LDLRAD4: variants seen among roughly 807,000 people sequenced by gnomAD.
LDLRAD4 encodes the protein low-density lipoprotein receptor class A domain-containing protein 4.
Under a neutral mutation model 17.0 loss-of-function variants are expected in LDLRAD4, and 5 were observed. That is an observed-to-expected ratio of 0.29 (90% confidence interval 0.15 to 0.62). LDLRAD4 has a LOEUF of 0.62. Ranked by LOEUF, LDLRAD4 falls within the 20% of genes least tolerant of loss-of-function variation. The pLI is 0.84. For synonymous variants in LDLRAD4, 168 were observed against 171.8 expected (o/e 0.98, Z 0.17); for missense variants, 340 against 424.7 (o/e 0.80, Z 1.75).
intron 1 of LDLRAD4, among the ~76,000 whole-genome samples, chr18:13,295,942 A>G (rs1471356765): frequency 6.6e-6 from 1 of 152,246 alleles, no homozygotes; most frequent in Non-Finnish European, 1.5e-5. Flanking sequence ...ACCCTGGAAG[A>G]TCACTGGCTC....
chr18:13,457,682 A>G (rs1230870849), intron 3 of LDLRAD4, among the ~76,000 whole-genome samples: 1 of 152,072 alleles, frequency 6.6e-6, no homozygotes, highest in Non-Finnish European at 1.5e-5. Flanking sequence ...GAAAGCCTGT[A>G]GATAGATCCA....
chr18:13,226,492 A>G (rs1314275747), intron 1 of LDLRAD4, among the ~76,000 whole-genome samples: 1 of 151,968 alleles, frequency 6.6e-6, no homozygotes, highest in Non-Finnish European at 1.5e-5. Context: ...GCCGAATATT[A>G]TTTAAAAAAC....
At chr18:13,323,125 C>T (rs760422957) in intron 1 of LDLRAD4, among the ~76,000 whole-genome samples, 4 of 152,212 alleles carry the variant, frequency 2.6e-5, no homozygotes, top group Non-Finnish European at 5.9e-5. Flanking sequence ...AAGAAAACCA[C>T]GTCCTTCTCA....
intron 2 of LDLRAD4, among the ~76,000 whole-genome samples, chr18:13,434,715 C>T (rs376329758): frequency 2.0e-5 from 3 of 152,178 alleles, no homozygotes; most frequent in African/African-American, 4.8e-5. Context: ...AGAGCTCTAG[C>T]GACTGGGCCC....
intron 3 of LDLRAD4, among the ~76,000 whole-genome samples, chr18:13,564,431 G>T (rs1395851414): frequency 6.6e-6 from 1 of 152,026 alleles, no homozygotes; most frequent in African/African-American, 2.4e-5. Flanking sequence ...TTGCCAGGTG[G>T]CCAGGCCTCA....
intron 1 of LDLRAD4, among the ~76,000 whole-genome samples, chr18:13,377,424 T>A (rs1233953887): frequency 6.6e-6 from 1 of 152,228 alleles, no homozygotes; most frequent in African/African-American, 2.4e-5. Context: ...TATCTTTTTT[T>A]AGCTCTTAGA....
intron 3 of LDLRAD4, among the ~76,000 whole-genome samples, chr18:13,559,918 G>A (rs2094523356): frequency 6.6e-6 from 1 of 151,908 alleles, no homozygotes; most frequent in Admixed American, 6.6e-5. Flanking sequence ...CCCTGACCAA[G>A]AAGTGCCTAT....
intron 4 of LDLRAD4, among the ~76,000 whole-genome samples, chr18:13,623,336 C>G (rs1325129845): frequency 3.3e-5 from 5 of 152,236 alleles, no homozygotes; most frequent in African/African-American, 9.6e-5. Flanking sequence ...GAATTGTGTC[C>G]ACACAGTGGT....
intron 1 of LDLRAD4, among the ~76,000 whole-genome samples, chr18:13,378,438 T>C (rs1211801303): frequency 6.6e-6 from 1 of 152,156 alleles, no homozygotes; most frequent in African/African-American, 2.4e-5. Flanking sequence ...GTGAAGAACT[T>C]AAAAGGTCAG....
chr18:13,261,798 A>G (rs534133766), intron 1 of LDLRAD4, among the ~76,000 whole-genome samples: 2 of 151,992 alleles, frequency 1.3e-5, no homozygotes, highest in East Asian at 3.9e-4. Flanking sequence ...TGTATGCAGT[A>G]CCTGTGCTGT....
At chr18:13,401,508 T>G (rs2087195038) in intron 2 of LDLRAD4, among the ~76,000 whole-genome samples, 1 of 152,026 alleles carries the variant, frequency 6.6e-6, no homozygotes, top group South Asian at 2.1e-4. Flanking sequence ...GGTGTGAGCG[T>G]GAGAGGAGCA....
chr18:13,238,228 G>T (rs576704571), intron 1 of LDLRAD4, among the ~76,000 whole-genome samples: 2 of 152,212 alleles, frequency 1.3e-5, no homozygotes, highest in African/African-American at 2.4e-5. Flanking sequence ...TTATTTTCCA[G>T]TATTGGAACT....
intron 1 of LDLRAD4, chr18:13,242,039 T>C (rs927828018): frequency 2.0e-5 from 3 of 152,238 alleles, no homozygotes. Flanking sequence ...GGCCTATCTT[T>C]ATGAACCCTC....
intron 3 of LDLRAD4, among the ~76,000 whole-genome samples, chr18:13,452,106 G>A (rs1268606286): frequency 1.3e-5 from 2 of 152,206 alleles, no homozygotes; most frequent in Non-Finnish European, 2.9e-5. Flanking sequence ...TGAGAGTAGG[G>A]ACTGGGCCTA....
chr18:13,247,619 G>C (rs932493813), intron 1 of LDLRAD4, among the ~76,000 whole-genome samples: 1 of 152,108 alleles, frequency 6.6e-6, no homozygotes, highest in Admixed American at 6.5e-5. Context: ...TCCGCTTGTC[G>C]TGTGAATGAA....
chr18:13,274,625 C>T (rs949105033), upstream of LDLRAD4, among the ~76,000 whole-genome samples: 2 of 152,140 alleles, frequency 1.3e-5, no homozygotes, highest in Admixed American at 6.5e-5. Context: ...TCATACAGTC[C>T]TGAATGTAGA....
chr18:13,459,118 G>A (rs947292613), intron 3 of LDLRAD4, among the ~76,000 whole-genome samples: 4 of 125,852 alleles, frequency 3.2e-5, no homozygotes, highest in East Asian at 2.7e-4. Flanking sequence ...CCAGGAGTTC[G>A]AAACCAGCTT....
Position 13,571,655 on chromosome 18 carries a change from G to A in LDLRAD4, c.182-49462G>A, listed in dbSNP as rs140564870. ...AACTTTTTATTTATTTATTTATTTT[G>A]AGATGGATTCTCGCTCTGTTGCCCA... On this transcript the variant is annotated intron_variant, in intron 3 of 5. Coordinates refer to ENST00000359446, the Ensembl canonical transcript of LDLRAD4. 1.1e-3 allele frequency among the ~76,000 whole-genome samples: 162 copies of A among 152,226 alleles called. 1 individual carries two copies. The highest frequency in any genetic ancestry group is 3.4e-3 in the African/African-American group (140 of 41,534).
intron 3 of LDLRAD4, among the ~76,000 whole-genome samples, chr18:13,574,941 T>G (rs1400150824): frequency 6.6e-6 from 1 of 152,242 alleles, no homozygotes; most frequent in African/African-American, 2.4e-5. Context: ...ACAGGCTGTT[T>G]GGGAAGGAGG....
Sources: gnomAD v4.1 joint callset for allele counts (sites outside exome capture counted in the v4.1 genomes callset) on GRCh38, gnomAD v4.1.1 for gene constraint, MANE v1.5 for transcripts, NCBI Gene and HGNC (gene_info 2026-07-23, HGNC 2026-07-21) for gene names.